AAGAB: variants seen among roughly 807,000 people sequenced by gnomAD.
AAGAB encodes alpha- and gamma-adaptin-binding protein p34.
AAGAB carries 38 observed loss-of-function variants against 44.1 expected under a neutral mutation model. The ratio of observed to expected loss-of-function variants is 0.86; its 90% CI spans 0.67 to 1.13. The LOEUF is 1.13. Among genes scored for constraint, AAGAB ranks in the 50% most tolerant of loss-of-function variants. The pLI is 0.00. For synonymous variants in AAGAB, 131 were observed against 131.8 expected (o/e 0.99, Z 0.04); for missense variants, 450 against 373.8 (o/e 1.20, Z -1.68).
At chr15:67,213,180 A>G (rs188019203) in intron 5 of AAGAB, among the ~76,000 whole-genome samples, 1 of 152,332 alleles carries the variant, frequency 6.6e-6, no homozygotes, top group East Asian at 1.9e-4. Context: ...ATTCAGTTTT[A>G]GTACTCTAGT....
chr15:67,235,208 C>T (rs1334745297), intron 4 of AAGAB, among the ~76,000 whole-genome samples: 2 of 152,192 alleles, frequency 1.3e-5, no homozygotes, highest in African/African-American at 2.4e-5. Context: ...AATGCCAACA[C>T]GTTCTCTGCA....
intron 1 of AAGAB, among the ~76,000 whole-genome samples, chr15:67,238,475 C>A (rs939963734): frequency 6.6e-6 from 1 of 152,118 alleles, no homozygotes; most frequent in Non-Finnish European, 1.5e-5. Flanking sequence ...AAAACAAAAA[C>A]TAGATCAAAG....
chr15:67,211,377 CAG>C (rs1422819778), intron 5 of AAGAB, among the ~76,000 whole-genome samples: 2 of 152,174 alleles, frequency 1.3e-5, no homozygotes, highest in African/African-American at 2.4e-5. Flanking sequence ...AATCCAAAGA[CAG>C]GGGACCAAAG....
intron 4 of AAGAB, 43 bp downstream of exon 4, chr15:67,235,926 AATAATCTCTC>A: frequency 7.6e-7 from 1 of 1,309,274 alleles, no homozygotes; most frequent in Non-Finnish European, 1.1e-6. Context: ...CCTGAATTAA[AATAATCTCTC>A]ATATCTAAGT....
At chr15:67,240,420 A>T (rs1183150285) in intron 1 of AAGAB, among the ~76,000 whole-genome samples, 1 of 152,214 alleles carries the variant, frequency 6.6e-6, no homozygotes, top group Non-Finnish European at 1.5e-5. Context: ...AGCCTGTCTC[A>T]TTCACACTGT....
rs1304862779 is a variant in AAGAB, at chr15:67,222,237, C to CGT, written c.535+9576_535+9577insAC. 1.8e-3 allele frequency among the ~76,000 whole-genome samples: 132 copies of CGT among 71,510 alleles called. 1 individual carries two copies. The highest frequency in any genetic ancestry group is 2.8e-3 in the African/African-American group (42 of 15,182). The allele number at this position is 71,510 out of a possible 152,430, so 46.9% of individuals were successfully genotyped here. ...CTACATGCATGCACGCGCACGCGCG[C>CGT]GCGCGCACACACACACACACACACA... On this transcript the variant is annotated intron_variant, in intron 5 of 9. Transcript: ENST00000261880.
At chr15:67,224,492 T>TA (rs1244512140) in intron 5 of AAGAB, among the ~76,000 whole-genome samples, 5 of 152,146 alleles carry the variant, frequency 3.3e-5, no homozygotes, top group Non-Finnish European at 2.9e-5. Flanking sequence ...GAACGTCCAC[T>TA]ATTTTCACCT....
In AAGAB at chr15:67,249,868, C is replaced by T. The variant is rs138943095; in HGVS notation, c.73+4691G>A. On this transcript the variant is annotated intron_variant, in intron 1 of 9. Coordinates refer to ENST00000261880, the MANE Select transcript of AAGAB (RefSeq NM_024666.5). ...GCAAAATGGACACAACCTACCTTCA[C>T]AGGGATACAAAGACCAAACTAAATG... is the stretch of plus-strand genomic sequence containing the variant. 1.8e-4 allele frequency among the ~76,000 whole-genome samples: 28 copies of T among 152,310 alleles called. 1 individual carries two copies. The East Asian group carries it at 5.4e-3, about 29-fold the overall frequency.
intron 1 of AAGAB, among the ~76,000 whole-genome samples, chr15:67,237,616 TTATGTTATACA>T (rs369491962): frequency 5.9e-4 from 90 of 152,306 alleles, no homozygotes; most frequent in African/African-American, 2.0e-3. Context: ...TTTGCTTCCA[TTATGTTATACA>T]GTATTTACAA....
At chr15:67,223,061 A>C (rs1320559572) in intron 5 of AAGAB, among the ~76,000 whole-genome samples, 1 of 152,034 alleles carries the variant, frequency 6.6e-6, no homozygotes, top group South Asian at 2.1e-4. Context: ...ATAAGACTCC[A>C]CTATCTTGGT....
chr15:67,230,185 T>C (rs572753659), intron 5 of AAGAB, among the ~76,000 whole-genome samples: 2 of 152,196 alleles, frequency 1.3e-5, no homozygotes, highest in Admixed American at 6.5e-5. Context: ...CCTTCTGTAG[T>C]GTCTCACTCA....
In AAGAB at chr15:67,209,359, C is replaced by T. The variant is rs562936101; in HGVS notation, c.618+103G>A. 32 of 1,024,578 alleles carry T rather than the reference C, an allele frequency of 3.1e-5. No individual in the cohort carries two copies. In the African/African-American group the frequency reaches 4.0e-4, roughly 13 times the overall value. 63.5% of individuals were successfully genotyped at this position (1,024,578 alleles called of 1,614,324 possible). On this transcript the variant is annotated intron_variant, in intron 6 of 9. Coordinates refer to ENST00000261880, the MANE Select transcript of AAGAB (RefSeq NM_024666.5). ...CATCTATTTTTAACATTCTCTGTCA[C>T]CTTTTAAATGGAAAGGAAAACAATG...
At chr15:67,254,931 G>A, upstream of AAGAB, 3 of 1,613,774 alleles carry the variant, frequency 1.9e-6, no homozygotes, top group South Asian at 2.2e-5. Flanking sequence ...GACCCTGTCG[G>A]ATCCATCTTA....
chr15:67,203,476 G>A, intron 9 of AAGAB, 72 bp downstream of exon 9: 2 of 1,279,120 alleles, frequency 1.6e-6, no homozygotes, highest in Non-Finnish European at 1.1e-6. Flanking sequence ...ATACACAAGT[G>A]TGATATATAA....
chr15:67,226,904 G>C lies in AAGAB; in HGVS notation c.535+4910C>G, dbSNP rs563083824. On this transcript the variant is annotated intron_variant, in intron 5 of 9. Transcript: ENST00000261880. ...CATCTCTTACGTTTTTAATTACCTA[G>C]ATTTTCAGATTAAATATTTGACCTT... The C allele has an allele frequency of 9.8e-5, 29 of 296,728 alleles. No homozygotes were observed. In the East Asian group the frequency reaches 3.3e-3, roughly 33 times the overall value. The allele number at this position is 296,728 out of a possible 1,614,324, so 18.4% of individuals were successfully genotyped here. A position where few individuals can be genotyped will look rare whatever the true frequency, so the allele number is the denominator to read the frequency against.
chr15:67,229,101 C>CATGTAACAA (rs1221814690), intron 5 of AAGAB, among the ~76,000 whole-genome samples: 1 of 152,046 alleles, frequency 6.6e-6, no homozygotes, highest in Non-Finnish European at 1.5e-5. Context: ...ACAATTTACC[C>CATGTAACAA]ATGTAACAAA....
chr15:67,251,236 C>CTGTGTG (rs55690815), intron 1 of AAGAB, among the ~76,000 whole-genome samples: 28,741 of 147,368 alleles, frequency 0.2, 3,294 homozygotes, highest in East Asian at 0.41. Context: ...GTGTGTGTGT[C>CTGTGTG]TGTGTGTGTG....
intron 1 of AAGAB, among the ~76,000 whole-genome samples, chr15:67,247,397 T>C (rs563957986): frequency 6.6e-6 from 1 of 152,360 alleles, no homozygotes; most frequent in African/African-American, 2.4e-5. Context: ...GGCAGTAAGT[T>C]GTTTAAACCA....
intron 5 of AAGAB, among the ~76,000 whole-genome samples, chr15:67,214,087 TAA>T (rs1016175171): frequency 6.6e-6 from 1 of 152,230 alleles, no homozygotes; most frequent in African/African-American, 2.4e-5. Context: ...TGATAACATG[TAA>T]AGAGTTGAGA....
Sources: allele counts gnomAD v4.1 joint callset (sites outside exome capture counted in the v4.1 genomes callset), GRCh38; gene constraint gnomAD v4.1.1; transcripts MANE v1.5; gene names NCBI Gene and HGNC (gene_info 2026-07-23, HGNC 2026-07-21).